CSMD2: variants seen among roughly 807,000 people sequenced by gnomAD.
CSMD2 encodes CUB and Sushi multiple domains 2, also known as CUB and sushi domain-containing protein 2.
CSMD2 carries 130 observed loss-of-function variants against 398.5 expected under a neutral mutation model. That is an observed-to-expected ratio of 0.33 (90% CI 0.28 to 0.38). The LOEUF is 0.38. CSMD2 is among the 10% of genes least tolerant of loss of function. CSMD2 has a pLI of 1.00. For missense variants in CSMD2, 3,829 were observed against 4,764.9 expected (o/e 0.80, Z 5.78); for synonymous variants, 1,828 against 1,908.5 (o/e 0.96, Z 1.10).
chr1:33,692,274 A>G (rs746001288), intron 25 of CSMD2, among the ~76,000 whole-genome samples: 1 of 152,162 alleles, frequency 6.6e-6, no homozygotes, highest in Non-Finnish European at 1.5e-5. Context: ...TGGCATACCT[A>G]TTTTGAAGGA....
At chr1:33,641,642 TC>T (rs1181395044) in intron 29 of CSMD2, among the ~76,000 whole-genome samples, 1 of 152,178 alleles carries the variant, frequency 6.6e-6, no homozygotes, top group Non-Finnish European at 1.5e-5. Flanking sequence ...CAGAATCATC[TC>T]CTAGAAAGTC....
At chr1:33,782,434 GAT>G (rs1443156772) in intron 12 of CSMD2, among the ~76,000 whole-genome samples, 1 of 152,166 alleles carries the variant, frequency 6.6e-6, no homozygotes, top group East Asian at 1.9e-4. Context: ...ACCCTGGAAA[GAT>G]AACCATTCAT....
intron 15 of CSMD2, among the ~76,000 whole-genome samples, 183 bp downstream of exon 15, chr1:33,738,957 C>T (rs1177983903): frequency 6.6e-6 from 1 of 152,050 alleles, no homozygotes; most frequent in African/African-American, 2.4e-5. Context: ...ATTTAAATTC[C>T]TACGCACAGT....
intron 27 of CSMD2, 27 bp from the exon 28 acceptor site, chr1:33,652,488 G>A (rs746552107): frequency 6.2e-6 from 10 of 1,610,518 alleles, no homozygotes; most frequent in African/African-American, 5.3e-5. Context: ...ACGAGGGTGA[G>A]GCTGCCTCTT....
At position 33,559,390 on chromosome 1, in the gene CSMD2, C is replaced by G. The variant is rs1418435801; in HGVS notation, c.8464G>C (p.Val2822Leu). 2 of 1,536,180 alleles carry G rather than the reference C, an allele frequency of 1.3e-6. No individual in the cohort carries two copies. The highest frequency in any genetic ancestry group is 2.4e-5 in the South Asian group (2 of 84,062). The change falls in exon 54 of 71, where the codon GTT (valine) becomes CTT (leucine). Residue 2822 changes from valine to leucine, a missense_variant. Transcript: ENST00000373381. This position sits in a 1 kb window ranked among gnomAD's most constrained non-coding sequence, Gnocchi z 4.0. ...TCAGCCATATACCCAGGGTTGCAAA[C>G]AAACTTGACCACATCGTTGAGGTTA... ...QFNLNDVVKF[V>L]CNPGYMAEGA... is the part of the protein sequence containing the mutation.
chr1:33,578,535 G>A (rs1298902216), intron 48 of CSMD2, among the ~76,000 whole-genome samples: 1 of 152,158 alleles, frequency 6.6e-6, no homozygotes, highest in Non-Finnish European at 1.5e-5. Context: ...ATGAGCTCAT[G>A]CCATTGCACT....
At position 33,895,203 on chromosome 1, in the gene CSMD2, A is replaced by G. The variant is rs950795352; in HGVS notation, c.920+22891T>C. On this transcript the variant is annotated intron_variant, in intron 5 of 70. Coordinates refer to ENST00000373381, the MANE Select transcript of CSMD2 (RefSeq NM_001281956.2). Reference sequence around the variant, plus strand: ...ATTATTCCTGATAGCATTGTTTTAAAGCTAAAGAAACCGAGGCTCAGAGAG... The same window carrying G: ...ATTATTCCTGATAGCATTGTTTTAAGGCTAAAGAAACCGAGGCTCAGAGAG... Among the ~76,000 whole-genome samples the G allele has an allele frequency of 2.0e-5, 3 of 152,338 alleles. No homozygotes were observed. In the South Asian group the frequency reaches 6.2e-4, roughly 32 times the overall value.
intron 3 of CSMD2, among the ~76,000 whole-genome samples, chr1:34,003,799 T>G (rs1190012452): frequency 6.6e-6 from 1 of 152,176 alleles, no homozygotes; most frequent in Non-Finnish European, 1.5e-5. Flanking sequence ...TGGCCTTTCC[T>G]CAAACAGAAG....
intron 2 of CSMD2, among the ~76,000 whole-genome samples, chr1:34,071,834 A>G (rs1655762897): frequency 6.6e-6 from 1 of 152,388 alleles, no homozygotes; most frequent in Non-Finnish European, 1.5e-5. Flanking sequence ...ACCTACGTAG[A>G]GTAGAAAGAA....
At chr1:33,701,722 T>C (rs1345721803) in intron 22 of CSMD2, among the ~76,000 whole-genome samples, 1 of 152,246 alleles carries the variant, frequency 6.6e-6, no homozygotes, top group Non-Finnish European at 1.5e-5. Flanking sequence ...TTGCTGTGTA[T>C]CACTGATAGA....
intron 25 of CSMD2, among the ~76,000 whole-genome samples, chr1:33,669,239 C>G (rs987446125): frequency 6.6e-6 from 1 of 152,110 alleles, no homozygotes; most frequent in African/African-American, 2.4e-5. Flanking sequence ...AGGAAAGCTT[C>G]AAGGAGGCAG....
At chr1:34,039,787 C>A (rs1164128574) in intron 2 of CSMD2, among the ~76,000 whole-genome samples, 1 of 152,124 alleles carries the variant, frequency 6.6e-6, no homozygotes, top group Non-Finnish European at 1.5e-5. Context: ...ATGTGGACCA[C>A]CCTTAGCTGT....
intron 12 of CSMD2, among the ~76,000 whole-genome samples, chr1:33,781,365 T>A (rs1652745295): frequency 6.6e-6 from 1 of 152,228 alleles, no homozygotes; most frequent in African/African-American, 2.4e-5. Context: ...TTCCCTGTCT[T>A]CTAGCACTTG....
chr1:33,938,422 C>T (rs199501370), intron 3 of CSMD2, among the ~76,000 whole-genome samples: 2,052 of 55,398 alleles, frequency 0.037, 31 homozygotes, highest in African/African-American at 0.14. Flanking sequence ...TCCCATGATC[C>T]CATGTTGCTG....
At chr1:33,632,542 A>G (rs183631899) in intron 32 of CSMD2, among the ~76,000 whole-genome samples, 32 of 152,328 alleles carry the variant, frequency 2.1e-4, no homozygotes, top group Admixed American at 1.7e-3. Context: ...AACAAGGCAA[A>G]TTAGAAAATG....
intron 3 of CSMD2, among the ~76,000 whole-genome samples, chr1:34,015,945 A>T (rs2148088427): frequency 6.6e-6 from 1 of 152,272 alleles, no homozygotes; most frequent in East Asian, 1.9e-4. Context: ...GCCAGCCACC[A>T]GAAGGATATC....
Position 34,139,911 on chromosome 1 carries a change from A to G in CSMD2, c.187+25000T>C, listed in dbSNP as rs374297568. ...CCTGTCCTGCCAGTCTTGTGTGGGA[A>G]GGAACAGGCAAAGGCAATGTTTTAC... On this transcript the variant is annotated intron_variant, in intron 1 of 70. Coordinates refer to ENST00000373381, the MANE Select transcript of CSMD2 (RefSeq NM_001281956.2). Among the ~76,000 whole-genome samples, 7 of 152,200 alleles carry G rather than the reference A, an allele frequency of 4.6e-5. No homozygotes were observed. The East Asian group carries it at 9.6e-4, about 21-fold the overall frequency.
chr1:33,981,535 C>A (rs543039089), intron 3 of CSMD2, among the ~76,000 whole-genome samples: 81 of 152,308 alleles, frequency 5.3e-4, no homozygotes, highest in African/African-American at 1.9e-3. Context: ...CTCATTTGAT[C>A]GTCATAACAA....
chr1:33,676,954 T>G (rs1644734628), intron 25 of CSMD2, among the ~76,000 whole-genome samples: 1 of 152,140 alleles, frequency 6.6e-6, no homozygotes, highest in South Asian at 2.1e-4. Flanking sequence ...TATACAAAAA[T>G]TAATTCAAGA....
Sources: allele counts gnomAD v4.1 joint callset (sites outside exome capture counted in the v4.1 genomes callset), GRCh38; gene constraint gnomAD v4.1.1; non-coding constraint Gnocchi (gnomAD v3.1); transcripts MANE v1.5; gene names NCBI Gene and HGNC (gene_info 2026-07-23, HGNC 2026-07-21).